C3orf20: variants seen among roughly 807,000 people sequenced by gnomAD.
C3orf20 encodes the protein uncharacterized protein C3orf20.
In C3orf20, 76 loss-of-function variants were observed where a neutral mutation model predicts 88.3. That is an observed-to-expected ratio of 0.86 (90% CI 0.72 to 1.04). The LOEUF (loss-of-function observed/expected upper bound fraction) is 1.04. Among genes scored for constraint, C3orf20 ranks in the 50% least tolerant of loss-of-function variants. The pLI is 0.00. For missense variants in C3orf20, 1,056 were observed against 1,123.3 expected, an observed-to-expected ratio of 0.94 and a Z score of 0.86; for synonymous variants, 436 against 437.4, an observed-to-expected ratio of 1.00 and a Z score of 0.04.
chr3:14,734,007 G>T (rs1434257216), intron 12 of C3orf20, among the ~76,000 whole-genome samples: 1 of 152,132 alleles, frequency 6.6e-6, no homozygotes, highest in Non-Finnish European at 1.5e-5. Flanking sequence ...TTTTTAAAAA[G>T]ATCCTTTTGC....
intron 1 of C3orf20, among the ~76,000 whole-genome samples, chr3:14,676,419 T>C (rs1217096276): frequency 2.6e-5 from 4 of 152,240 alleles, no homozygotes; most frequent in African/African-American, 9.6e-5. Flanking sequence ...CCATGGAATG[T>C]GTAATCAGTG....
At position 14,772,280 on chromosome 3, in the gene C3orf20, A is replaced by G. The variant is rs2035880970; in HGVS notation, c.2630+79A>G. ...GGGGCTATTTGGCCTTGGGCAAGTC[A>G]CTACCCCCAGGCGTGGCCTGGGTCA... On this transcript the variant is annotated intron_variant, in intron 16 of 16. Coordinates refer to ENST00000253697, the MANE Select transcript of C3orf20 (RefSeq NM_032137.5). This position sits in a 1 kb window ranked among gnomAD's most constrained non-coding sequence, Gnocchi z 4.2. The G allele has an allele frequency of 2.5e-6, 4 of 1,580,688 alleles. No individual in the cohort carries two copies. The highest frequency in any genetic ancestry group is 8.7e-7 in the Non-Finnish European group (1 of 1,153,742).
At position 14,772,727 on chromosome 3, in the gene C3orf20, C is replaced by A; in HGVS notation, c.2631-64C>A. On this transcript the variant is annotated intron_variant, in intron 16 of 16. Coordinates refer to ENST00000253697, the MANE Select transcript of C3orf20 (RefSeq NM_032137.5). The surrounding 1 kb of genome is among the most constrained non-coding windows in gnomAD (Gnocchi z 4.2). The stretch of plus-strand genomic sequence containing the variant: ...CCTTGCCCCTCCTGGCCCAACCGGG[C>A]CTGGGCTCTGGGCACTGTGAAGAAC... The A allele has an allele frequency of 9.4e-6, 13 of 1,384,454 alleles. No individual in the cohort carries two copies. The highest frequency in any genetic ancestry group is 1.1e-5 in the Non-Finnish European group (11 of 976,512). The allele number at this position is 1,384,454 out of a possible 1,614,324, so 85.8% of individuals were successfully genotyped here. A position where few individuals can be genotyped will look rare whatever the true frequency, so the allele number is the denominator to read the frequency against.
At chr3:14,680,481 G>A (rs1217890540) in intron 1 of C3orf20, among the ~76,000 whole-genome samples, 4 of 152,080 alleles carry the variant, frequency 2.6e-5, no homozygotes, top group African/African-American at 4.8e-5. Flanking sequence ...GAAACTAGAC[G>A]AATGGTTGCC....
intron 15 of C3orf20, among the ~76,000 whole-genome samples, chr3:14,762,646 T>G (rs1242024769): frequency 6.6e-6 from 1 of 152,158 alleles, no homozygotes; most frequent in East Asian, 1.9e-4. Flanking sequence ...CTCATGAAAG[T>G]GTGTTCGTTA....
At chr3:14,696,005 C>G (rs530414182) in intron 5 of C3orf20, among the ~76,000 whole-genome samples, 2 of 152,052 alleles carry the variant, frequency 1.3e-5, no homozygotes, top group Non-Finnish European at 2.9e-5. Context: ...AGGACTTACT[C>G]CTGCCATTTT....
intron 10 of C3orf20, among the ~76,000 whole-genome samples, chr3:14,724,434 G>A (rs1313038610): frequency 6.6e-6 from 1 of 152,060 alleles, no homozygotes; most frequent in Non-Finnish European, 1.5e-5. Context: ...GCCTAGAAAA[G>A]CCCCTAGGAA....
intron 4 of C3orf20, among the ~76,000 whole-genome samples, chr3:14,688,657 A>C (rs2124901861): frequency 6.6e-6 from 1 of 152,172 alleles, no homozygotes; most frequent in South Asian, 2.1e-4. Flanking sequence ...ACTGAAGAAA[A>C]CCAGACTGCT....
intron 3 of C3orf20, 149 bp downstream of exon 3, chr3:14,683,346 C>G: frequency 9.9e-7 from 1 of 1,012,442 alleles, no homozygotes; most frequent in East Asian, 2.6e-5. Flanking sequence ...CCTCTCACTC[C>G]TCCCTGTTCT....
chr3:14,728,339 G>T, intron 11 of C3orf20, 100 bp from the exon 12 acceptor site: 1 of 1,442,780 alleles, frequency 6.9e-7, no homozygotes, highest in Non-Finnish European at 9.6e-7. Context: ...GGAGGAGATG[G>T]GGGTGAGCCA....
At chr3:14,691,983 A>G (rs1374724495) in intron 5 of C3orf20, among the ~76,000 whole-genome samples, 1 of 152,200 alleles carries the variant, frequency 6.6e-6, no homozygotes, top group Non-Finnish European at 1.5e-5. Flanking sequence ...GATAAATTAG[A>G]ACATAAGAAG....
intron 4 of C3orf20, among the ~76,000 whole-genome samples, chr3:14,688,944 T>A (rs2032580467): frequency 6.6e-6 from 1 of 152,178 alleles, no homozygotes; most frequent in African/African-American, 2.4e-5. Flanking sequence ...ATGTTCCACA[T>A]TTACCGAAAT....
At chr3:14,758,706 A>T (rs2035464517) in intron 13 of C3orf20, among the ~76,000 whole-genome samples, 1 of 152,136 alleles carries the variant, frequency 6.6e-6, no homozygotes, top group Admixed American at 6.5e-5. Flanking sequence ...CTCCTCCCAG[A>T]AGTGGCCCCT....
chr3:14,675,564 G>A (rs912102338), intron 1 of C3orf20, among the ~76,000 whole-genome samples: 2 of 152,184 alleles, frequency 1.3e-5, no homozygotes, highest in African/African-American at 2.4e-5. Context: ...TAAATCCCAG[G>A]CTGCATCTAT....
chr3:14,757,411 GC>G lies in C3orf20; in HGVS notation c.1983del (p.Leu662CysfsTer26). 1 of 1,611,984 alleles carries G rather than the reference GC, an allele frequency of 6.2e-7. No homozygotes were observed. The highest frequency in any genetic ancestry group is 8.5e-7 in the Non-Finnish European group (1 of 1,179,854). On this transcript the variant is annotated frameshift_variant, in exon 13 of 17. Coordinates refer to ENST00000253697, the MANE Select transcript of C3orf20 (RefSeq NM_032137.5). LOFTEE classifies it high-confidence loss of function. ...GGGGCGCAGCCCCACCAGGTGGGCGGCCTTGCCCTCAGACTGCCCGCTGGTG... is the reference window on the plus strand; with the variant it reads ...GGGGCGCAGCCCCACCAGGTGGGCGGCTTGCCCTCAGACTGCCCGCTGGTG... ...REGRSPTRWAALPSDCPLVLR... is the reference protein window; with the variant it reads ...REGRSPTRWAXLPSDCPLVLR...
At chr3:14,750,143 A>G (rs1013637771) in intron 12 of C3orf20, among the ~76,000 whole-genome samples, 2 of 152,160 alleles carry the variant, frequency 1.3e-5, no homozygotes, top group African/African-American at 2.4e-5. Context: ...CCTGGACTCA[A>G]TGGCATGTTT....
intron 12 of C3orf20, among the ~76,000 whole-genome samples, chr3:14,754,417 A>G (rs570454227): frequency 6.6e-6 from 1 of 152,372 alleles, no homozygotes; most frequent in East Asian, 1.9e-4. Context: ...AAGGTGCACC[A>G]GGAACAGGGG....
intron 12 of C3orf20, among the ~76,000 whole-genome samples, chr3:14,756,596 A>G (rs1471524751): frequency 6.6e-6 from 1 of 152,194 alleles, no homozygotes; most frequent in Non-Finnish European, 1.5e-5. Flanking sequence ...AATCTCATTA[A>G]GAAGGTAACG....
intron 8 of C3orf20, 136 bp from the exon 9 acceptor site, chr3:14,715,153 G>A (rs1362308625): frequency 1.5e-5 from 17 of 1,102,770 alleles, no homozygotes; most frequent in South Asian, 1.4e-4. Context: ...AGTGGGGAAA[G>A]TAAGGTTGAC....
Sources: allele counts gnomAD v4.1 joint callset (sites outside exome capture counted in the v4.1 genomes callset), GRCh38; gene constraint gnomAD v4.1.1; non-coding constraint Gnocchi (gnomAD v3.1); transcripts MANE v1.5; gene names NCBI Gene and HGNC (gene_info 2026-07-23, HGNC 2026-07-21).